PCDHA1: variants seen among roughly 807,000 people sequenced by gnomAD.
PCDHA1 encodes protocadherin alpha-1.
PCDHA1 carries 42 observed loss-of-function variants against 61.3 expected under a neutral mutation model. That is an observed-to-expected ratio of 0.69 (90% CI 0.54 to 0.89). PCDHA1 has a LOEUF of 0.89. Ranked by LOEUF, PCDHA1 falls within the 40% of genes least tolerant of loss-of-function variation. The probability of loss-of-function intolerance (pLI) is 0.00; values close to 1 mark genes in which losing one functional copy is unlikely to be tolerated. For missense variants in PCDHA1, 1,256 were observed against 1,235.3 expected, an observed-to-expected ratio of 1.02 and a Z score of -0.25; for synonymous variants, 610 against 553.8, an observed-to-expected ratio of 1.10 and a Z score of -1.43.
intron 1 of PCDHA1, chr5:140,802,448 C>A (rs782040160): frequency 6.2e-7 from 1 of 1,614,198 alleles, no homozygotes; most frequent in Non-Finnish European, 8.5e-7. Flanking sequence ...ACCGCGAGAG[C>A]GTGTCGGCCT....
intron 1 of PCDHA1, among the ~76,000 whole-genome samples, chr5:140,887,041 A>G (rs1166286264): frequency 6.6e-6 from 1 of 152,026 alleles, no homozygotes; most frequent in African/African-American, 2.4e-5. Flanking sequence ...AATATTTTTT[A>G]TAGTGCATAT....
intron 1 of PCDHA1, chr5:140,882,641 G>A (rs1464189390): frequency 6.2e-7 from 1 of 1,614,104 alleles, no homozygotes; most frequent in Non-Finnish European, 8.5e-7. Context: ...GAAGGTGAGG[G>A]ACATTAACGA....
In PCDHA1 at chr5:140,882,697, A is replaced by G. The variant is rs145968658; in HGVS notation, c.2394+94013A>G. 60 of 1,614,238 alleles carry G rather than the reference A, an allele frequency of 3.7e-5. No homozygotes were observed. The African/African-American group carries it at 6.5e-4, about 18-fold the overall frequency. On this transcript the variant is annotated intron_variant, in intron 1 of 3. Transcript: ENST00000504120. ...AAAGCAAGAAACGAATAATCATTGC[A>G]GAATCTAGACCTCCGGAAACTCGAT...
At chr5:140,883,573 G>C in intron 1 of PCDHA1, 7 of 1,614,076 alleles carry the variant, frequency 4.3e-6, no homozygotes, top group Non-Finnish European at 5.9e-6. Flanking sequence ...CGCCTTCGCT[G>C]TGGGCCACGG....
intron 1 of PCDHA1, among the ~76,000 whole-genome samples, chr5:140,893,394 T>TAA (rs2063972728): frequency 6.6e-6 from 1 of 152,198 alleles, no homozygotes; most frequent in South Asian, 2.1e-4. Flanking sequence ...GGCTCATGCC[T>TAA]GTAATCCCAG....
intron 1 of PCDHA1, among the ~76,000 whole-genome samples, chr5:140,951,286 T>G (rs537000082): frequency 7.9e-5 from 12 of 152,352 alleles, no homozygotes; most frequent in African/African-American, 2.6e-4. Context: ...TAATTTTGGA[T>G]TATATCTTGA....
At chr5:140,909,169 A>G (rs545864609) in intron 1 of PCDHA1, among the ~76,000 whole-genome samples, 1 of 152,356 alleles carries the variant, frequency 6.6e-6, no homozygotes, top group African/African-American at 2.4e-5. Context: ...AAATCAATCA[A>G]GTTCTCTCCA....
intron 1 of PCDHA1, among the ~76,000 whole-genome samples, chr5:140,900,840 T>G (rs6874218): frequency 0.33 from 49,667 of 152,016 alleles, 8,381 homozygotes; most frequent in East Asian, 0.53. Flanking sequence ...ATGTACAAAG[T>G]TTCCCTTTTT....
In PCDHA1 at chr5:140,842,941, G is replaced by T. The variant is rs1388720747; in HGVS notation, c.2394+54257G>T. 6 of 1,594,648 alleles carry T rather than the reference G, an allele frequency of 3.8e-6. No homozygotes were observed. The East Asian group carries it at 8.9e-5, about 24-fold the overall frequency. ...AGTTCCAGGTGAGCGCGCGCGACGC[G>T]GGCGTGCCGCCTCTGGGCAGCAACG... On this transcript the variant is annotated intron_variant, in intron 1 of 3. Coordinates refer to ENST00000504120, the MANE Select transcript of PCDHA1 (RefSeq NM_018900.4).
intron 1 of PCDHA1, among the ~76,000 whole-genome samples, chr5:140,918,041 C>T (rs1554198405): frequency 6.6e-6 from 1 of 152,058 alleles, no homozygotes; most frequent in Non-Finnish European, 1.5e-5. Flanking sequence ...AAGGTCTTTC[C>T]ATTTGTTTTA....
intron 3 of PCDHA1, among the ~76,000 whole-genome samples, chr5:141,007,324 A>G (rs35241677): frequency 0.053 from 8,037 of 150,420 alleles, 253 homozygotes; most frequent in South Asian, 0.11. Context: ...GCTAAAGTGG[A>G]CAGATTGCCT....
At chr5:140,988,579 C>T (rs1292742279) in intron 3 of PCDHA1, among the ~76,000 whole-genome samples, 2 of 152,266 alleles carry the variant, frequency 1.3e-5, no homozygotes, top group East Asian at 3.9e-4. Context: ...CACTCTGTAC[C>T]TTCCACTTTT....
intron 1 of PCDHA1, chr5:140,841,944 A>G (rs1554138658): frequency 6.2e-7 from 1 of 1,613,794 alleles, no homozygotes; most frequent in African/African-American, 1.3e-5. Context: ...GCTCCTGCGC[A>G]CCACTTATTC....
At chr5:140,925,643 T>TAATAATAATAAG (rs1195362666) in intron 1 of PCDHA1, among the ~76,000 whole-genome samples, 1 of 99,548 alleles carries the variant, frequency 1.0e-5, no homozygotes, top group Non-Finnish European at 2.0e-5. Context: ...ACTTAAAGTA[T>TAATAATAATAAG]AATAATAATA....
chr5:140,842,542 G>A (rs1432404802), intron 1 of PCDHA1: 6 of 1,608,260 alleles, frequency 3.7e-6, no homozygotes, highest in African/African-American at 1.3e-5. Flanking sequence ...ACTACTCGTT[G>A]GTGCTGGACA....
rs2150334258 is a variant in PCDHA1 at position 140,842,331 on chromosome 5, T to A, written c.2394+53647T>A. 3.4e-5 allele frequency: 55 copies of A among 1,607,694 alleles called. No individual in the cohort carries two copies. The East Asian group carries it at 1.2e-3, about 35-fold the overall frequency. On this transcript the variant is annotated intron_variant, in intron 1 of 3. Coordinates refer to ENST00000504120, the MANE Select transcript of PCDHA1 (RefSeq NM_018900.4). ...CCCATGGCGGGTCATTGCACCGTTT[T>A]AGTGAGAATTTTGGATAAAAATGAT...
At chr5:140,966,172 G>A in intron 1 of PCDHA1, 1 of 184,672 alleles carries the variant, frequency 5.4e-6, no homozygotes, top group East Asian at 1.4e-4. Context: ...TTTTCCTGGG[G>A]AGCTGATAGC....
Position 140,927,620 on chromosome 5 carries a change from C to T in PCDHA1, c.2395-51329C>T, listed in dbSNP as rs2153590504. 6.2e-7 allele frequency: 1 copy of T among 1,614,196 alleles called. No homozygotes were observed. ...CGCTCCGTATACCGCACCAAGGTTC[C>T]AGAGACTGCACCCAATGGGACTGTG... is the stretch of plus-strand genomic sequence containing the variant. On this transcript the variant is annotated intron_variant, in intron 1 of 3. Coordinates refer to ENST00000504120, the MANE Select transcript of PCDHA1 (RefSeq NM_018900.4).
intron 1 of PCDHA1, chr5:140,865,997 T>C (rs990195272): frequency 2.6e-5 from 4 of 152,210 alleles, no homozygotes; most frequent in Admixed American, 6.5e-5. Context: ...AGTTTTTTTA[T>C]GTTAAGTGAT....
Sources: allele counts gnomAD v4.1 joint callset (sites outside exome capture counted in the v4.1 genomes callset), GRCh38; gene constraint gnomAD v4.1.1; transcripts MANE v1.5; gene names NCBI Gene and HGNC (gene_info 2026-07-23, HGNC 2026-07-21).